Variants in KRABD5 observed in about 807,000 individuals in gnomAD.
KRABD5 encodes KRAB domain containing 5, also known as KRAB domain-containing protein 5.
At chr16:31,713,579 G>A in the KRABD5 span, 2 of 1,259,400 alleles carry the variant, frequency 1.6e-6, no homozygotes, top group Non-Finnish European at 2.1e-6. Context: ...GCCGCAAGAT[G>A]GCGGCCGGGC....
At chr16:31,725,272 C>T in the KRABD5 span, among the ~76,000 whole-genome samples, 15 of 152,066 alleles carry the variant, frequency 9.9e-5, no homozygotes, top group African/African-American at 2.4e-4. Flanking sequence ...TGTGCCACCC[C>T]GCCTGGCTAA....
chr16:31,713,540 C>G, the KRABD5 span: 4 of 1,450,124 alleles, frequency 2.8e-6, no homozygotes, highest in African/African-American at 1.5e-5. Flanking sequence ...TGAGTCCCCG[C>G]GGACGCAACT....
the KRABD5 span, chr16:31,754,561 T>C: frequency 1.9e-6 from 1 of 522,250 alleles, no homozygotes; most frequent in Non-Finnish European, 3.7e-6. Flanking sequence ...GTAAAAAATG[T>C]GAGAAAGCCT....
At chr16:31,714,763 T>C in the KRABD5 span, among the ~76,000 whole-genome samples, 1 of 152,168 alleles carries the variant, frequency 6.6e-6, no homozygotes, top group Non-Finnish European at 1.5e-5. Context: ...TGGGAGAAGC[T>C]GCAGAGTTCT....
At chr16:31,736,093 G>T in the KRABD5 span, among the ~76,000 whole-genome samples, 1 of 152,106 alleles carries the variant, frequency 6.6e-6, no homozygotes, top group Non-Finnish European at 1.5e-5. Flanking sequence ...AGGGTTAGGG[G>T]TCTAGTCTTA....
the KRABD5 span, among the ~76,000 whole-genome samples, chr16:31,742,283 G>T: frequency 6.6e-6 from 1 of 150,502 alleles, no homozygotes; most frequent in Non-Finnish European, 1.5e-5. Flanking sequence ...TGCACCTGTT[G>T]ACCCATTGTC....
the KRABD5 span, among the ~76,000 whole-genome samples, chr16:31,750,026 T>A: frequency 1.3e-5 from 2 of 152,200 alleles, no homozygotes; most frequent in Non-Finnish European, 2.9e-5. Context: ...TTTGGACTCT[T>A]ACTTAGTTCC....
chr16:31,735,201 A>G, the KRABD5 span, among the ~76,000 whole-genome samples: 15 of 151,950 alleles, frequency 9.9e-5, no homozygotes, highest in African/African-American at 3.4e-4. Flanking sequence ...ACTTAACATG[A>G]TATCTCATGG....
chr16:31,736,812 G>A, the KRABD5 span, among the ~76,000 whole-genome samples: 6 of 152,022 alleles, frequency 3.9e-5, no homozygotes, highest in East Asian at 3.9e-4. Context: ...GAGCCACTGC[G>A]CCTGGCCCAT....
At chr16:31,745,024 G>A in the KRABD5 span, among the ~76,000 whole-genome samples, 1 of 151,792 alleles carries the variant, frequency 6.6e-6, no homozygotes, top group Non-Finnish European at 1.5e-5. Flanking sequence ...TTCTTTATTA[G>A]TCTAGCTAGT....
chr16:31,753,908 T>A, the KRABD5 span: 10 of 1,551,260 alleles, frequency 6.4e-6, no homozygotes, highest in Non-Finnish European at 8.7e-6. Flanking sequence ...AGGGTAAGTG[T>A]GAAGGTCACA....
chr16:31,743,612 T>C, the KRABD5 span, among the ~76,000 whole-genome samples: 1 of 152,214 alleles, frequency 6.6e-6, no homozygotes, highest in East Asian at 1.9e-4. Flanking sequence ...TGGGGTCTTC[T>C]TTGATTCCAT....
the KRABD5 span, among the ~76,000 whole-genome samples, chr16:31,720,250 T>G: frequency 6.6e-6 from 1 of 152,266 alleles, no homozygotes; most frequent in Admixed American, 6.5e-5. Flanking sequence ...ATGTGATTTT[T>G]CAGGACAGTG....
the KRABD5 span, among the ~76,000 whole-genome samples, chr16:31,724,937 G>A: frequency 6.6e-6 from 1 of 151,974 alleles, no homozygotes; most frequent in Non-Finnish European, 1.5e-5. Context: ...ATATTATACA[G>A]TATTTGTATT....
chr16:31,718,414 A>T, the KRABD5 span, among the ~76,000 whole-genome samples: 1 of 152,326 alleles, frequency 6.6e-6, no homozygotes, highest in African/African-American at 2.4e-5. Context: ...AGATTGACAT[A>T]GACCTTGTAA....
At chr16:31,754,485 C>T in the KRABD5 span, 3 of 639,648 alleles carry the variant, frequency 4.7e-6, no homozygotes, top group African/African-American at 5.4e-5. Flanking sequence ...TCTGATACAA[C>T]ATTAAGCCAA....
the KRABD5 span, chr16:31,755,286 G>C: frequency 2.2e-5 from 11 of 503,242 alleles, no homozygotes; most frequent in African/African-American, 2.0e-4. Context: ...ATTCATACTG[G>C]AGAAAAACCC....
the KRABD5 span, among the ~76,000 whole-genome samples, chr16:31,748,045 T>C: frequency 6.6e-6 from 1 of 152,208 alleles, no homozygotes; most frequent in African/African-American, 2.4e-5. Context: ...TTTTGGTGTT[T>C]TAGACATGAA....
At chr16:31,724,560 C>T in the KRABD5 span, among the ~76,000 whole-genome samples, 4 of 151,928 alleles carry the variant, frequency 2.6e-5, no homozygotes, top group East Asian at 1.9e-4. Flanking sequence ...GGCGTGGTGG[C>T]GGGTGCCTGT....
Sources: allele counts gnomAD v4.1 joint callset (sites outside exome capture counted in the v4.1 genomes callset), GRCh38; gene constraint gnomAD v4.1.1; transcripts MANE v1.5; gene names NCBI Gene and HGNC (gene_info 2026-07-23, HGNC 2026-07-21).